Variants in AKT1 observed in about 807,000 individuals in gnomAD.
AKT1 encodes the protein AKT serine/threonine kinase 1, also known as RAC-alpha serine/threonine-protein kinase.
A neutral mutation model predicts 63.1 loss-of-function variants in AKT1; 21 were observed. The observed-to-expected ratio is 0.33, with a 90% CI of 0.24 to 0.48. The LOEUF (loss-of-function observed/expected upper bound fraction) is 0.48, where lower values mean the gene tolerates loss of function less well. AKT1 is among the 20% of genes least tolerant of loss of function. The pLI is 0.99. For synonymous variants in AKT1, 257 were observed against 253.1 expected (o/e 1.02, Z -0.15); for missense variants, 382 against 666.0 (o/e 0.57, Z 4.69).
intron 4 of AKT1, chr14:104,777,719 G>GA: frequency 1.0e-6 from 1 of 985,690 alleles, no homozygotes; most frequent in Non-Finnish European, 1.2e-6. Context: ...AGGCTGAGGG[G>GA]CCAGTGGGGG....
chr14:104,778,718 C>T lies in AKT1; in HGVS notation c.175+1370G>A, dbSNP rs369342009. ...CCTGCCCAGCCTGGGGACGGATTCCCTGCATTTAACCTCCTCCCAGACCCT... is the reference window on the plus strand; with the variant it reads ...CCTGCCCAGCCTGGGGACGGATTCCTTGCATTTAACCTCCTCCCAGACCCT... On this transcript the variant is annotated intron_variant, in intron 4 of 14. Coordinates refer to ENST00000649815, the MANE Select transcript of AKT1 (RefSeq NM_001382430.1). 5 of 152,466 alleles carry T rather than the reference C, an allele frequency of 3.3e-5. No individual in the cohort carries two copies. In the East Asian group the frequency reaches 7.7e-4, roughly 24 times the overall value. The allele number at this position is 152,466 out of a possible 1,614,324, so 9.4% of individuals were successfully genotyped here. A position where few individuals can be genotyped will look rare whatever the true frequency, so the allele number is the denominator to read the frequency against.
intron 4 of AKT1, chr14:104,776,998 A>C (rs1305783078): frequency 3.3e-5 from 17 of 509,762 alleles, no homozygotes; most frequent in Non-Finnish European, 6.0e-5. Flanking sequence ...CACACAGGGC[A>C]TCTGGCCCGG....
rs371297714 is a variant in AKT1, at chr14:104,792,708, G to T, written c.-65C>A. On this transcript the variant is annotated 5_prime_UTR_variant, in exon 3 of 15. Coordinates refer to ENST00000649815, the MANE Select transcript of AKT1 (RefSeq NM_001382430.1). ...GGCTGGCGCTCCCCGAGCCCAGCTG[G>T]CCTGGCCACAGCCTCTGGGAGAAGC... 2 of 1,580,602 alleles carry T rather than the reference G, an allele frequency of 1.3e-6. No homozygotes were observed. The highest frequency in any genetic ancestry group is 1.7e-6 in the Non-Finnish European group (2 of 1,160,910).
intron 13 of AKT1, chr14:104,771,709 G>A (rs1892397189): frequency 4.2e-6 from 1 of 235,620 alleles, no homozygotes; most frequent in Non-Finnish European, 8.4e-6. Flanking sequence ...CTGGGAACGG[G>A]GCAGAAGCAC....
chr14:104,792,161 C>T (rs1021422266), intron 3 of AKT1, among the ~76,000 whole-genome samples: 6 of 152,192 alleles, frequency 3.9e-5, no homozygotes, highest in South Asian at 2.1e-4. Flanking sequence ...CCAGGCGGTA[C>T]GGATTCCCCC....
chr14:104,776,055 G>A (rs1393502646), intron 5 of AKT1: 5 of 405,880 alleles, frequency 1.2e-5, no homozygotes, highest in Non-Finnish European at 2.2e-5. Flanking sequence ...ACCCCCAGCA[G>A]GACTCCGCCC....
At chr14:104,771,227 G>A (rs1892369616) in intron 13 of AKT1, 1 of 309,566 alleles carries the variant, frequency 3.2e-6, no homozygotes. Flanking sequence ...TGGGAAAGAG[G>A]GAGACTGTGG....
intron 4 of AKT1, among the ~76,000 whole-genome samples, chr14:104,779,781 G>A (rs1309558944): frequency 3.0e-5 from 4 of 133,838 alleles, no homozygotes; most frequent in African/African-American, 5.8e-5. Flanking sequence ...GACTCAGCTC[G>A]GAGACCCCTG....
At chr14:104,784,435 C>A (rs1396700700) in intron 3 of AKT1, among the ~76,000 whole-genome samples, 6 of 152,150 alleles carry the variant, frequency 3.9e-5, no homozygotes, top group South Asian at 2.1e-4. Flanking sequence ...TCCCTCGACT[C>A]CTCCTGCACC....
At chr14:104,781,101 G>A (rs1157670380) in intron 3 of AKT1, among the ~76,000 whole-genome samples, 1 of 152,258 alleles carries the variant, frequency 6.6e-6, no homozygotes, top group Non-Finnish European at 1.5e-5. Context: ...GCTGTCCTCG[G>A]TGATAGCCCA....
rs570604408 is a variant in AKT1, at chr14:104,792,060, C to T, written c.46+538G>A. ...CCTCGGGCAGCACCTCCTCCATAGG[C>T]TGCAAGGCCAAATGAGTGAGGAGGG... On this transcript the variant is annotated intron_variant, in intron 3 of 14. Coordinates refer to ENST00000649815, the MANE Select transcript of AKT1 (RefSeq NM_001382430.1). Among the ~76,000 whole-genome samples, 192 of 152,342 alleles carry T rather than the reference C, an allele frequency of 1.3e-3. 2 individuals carry two copies. Among genetic ancestry groups the T allele is most frequent in the Non-Finnish European group, 2.2e-4 (15 of 68,010 alleles).
chr14:104,788,073 G>A (rs1337694282), intron 3 of AKT1, among the ~76,000 whole-genome samples: 2 of 152,172 alleles, frequency 1.3e-5, no homozygotes, highest in Admixed American at 6.5e-5. Flanking sequence ...CCAGGAGCCA[G>A]CACACTTGCC....
chr14:104,770,150 G>A lies in AKT1; in HGVS notation c.*191C>T, dbSNP rs904934355. On this transcript the variant is annotated 3_prime_UTR_variant, in exon 15 of 15. Transcript: ENST00000649815. ...GAAATAAATTAAAACCCGCAGGATA[G>A]TTTTCTTCCCTACCCCGCTGCGGGG... The A allele has an allele frequency of 1.6e-5, 10 of 635,282 alleles. No homozygotes were observed. The highest frequency in any genetic ancestry group is 2.8e-5 in the Non-Finnish European group (10 of 358,350). The allele number at this position is 635,282 out of a possible 1,614,324, so 39.4% of individuals were successfully genotyped here.
In AKT1 at chr14:104,792,731, A is replaced by G; in HGVS notation, c.-79-9T>C. On this transcript the variant is annotated splice_polypyrimidine_tract_variant and intron_variant, in intron 2 of 14. Coordinates refer to ENST00000649815, the MANE Select transcript of AKT1 (RefSeq NM_001382430.1). ...TGGCCTGGCCACAGCCTCTGGGAGA[A>G]GCAAAGGAAGCTGAATGTGAGGCCA... 1 of 1,522,360 alleles carries G rather than the reference A, an allele frequency of 6.6e-7. No individual in the cohort carries two copies. The highest frequency in any genetic ancestry group is 9.0e-7 in the Non-Finnish European group (1 of 1,109,952). 94.3% of individuals were successfully genotyped at this position (1,522,360 alleles called of 1,614,324 possible). A position where few individuals can be genotyped will look rare whatever the true frequency, so the allele number is the denominator to read the frequency against.
At chr14:104,772,522 C>T (rs1892451694) in intron 12 of AKT1, 70 bp from the exon 13 acceptor site, 1 of 1,510,782 alleles carries the variant, frequency 6.6e-7, no homozygotes, top group Non-Finnish European at 9.2e-7. Flanking sequence ...AGGCCCCTTC[C>T]TCCTGTGATG....
chr14:104,772,187 G>A (rs1441200299), intron 13 of AKT1, 178 bp downstream of exon 13: 1 of 669,720 alleles, frequency 1.5e-6, no homozygotes, highest in Non-Finnish European at 2.6e-6. Context: ...CAGTGCCAGA[G>A]CCTCTGAGCA....
At chr14:104,782,629 C>T (rs151116504) in intron 3 of AKT1, among the ~76,000 whole-genome samples, 138 of 152,252 alleles carry the variant, frequency 9.1e-4, no homozygotes, top group African/African-American at 3.2e-3. Context: ...TGGGCAGAGG[C>T]CCAAATGGGC....
chr14:104,770,160 C>A lies in AKT1; in HGVS notation c.*181G>T. On this transcript the variant is annotated 3_prime_UTR_variant, in exon 15 of 15. Transcript: ENST00000649815. ...AAAACCCGCAGGATAGTTTTCTTCC[C>A]TACCCCGCTGCGGGGGAGGGTGCTG... The A allele has an allele frequency of 1.5e-6, 1 of 656,356 alleles. No homozygotes were observed. 40.7% of individuals were successfully genotyped at this position (656,356 alleles called of 1,614,324 possible).
At chr14:104,770,721 C>T (rs774295573) in intron 14 of AKT1, 24 bp downstream of exon 14, 22 of 1,594,652 alleles carry the variant, frequency 1.4e-5, no homozygotes, top group African/African-American at 5.4e-5. Context: ...AGGGAGTGGG[C>T]GGGGGCAGGC....
Sources: allele counts gnomAD v4.1 joint callset (sites outside exome capture counted in the v4.1 genomes callset), GRCh38; gene constraint gnomAD v4.1.1; transcripts MANE v1.5; gene names NCBI Gene and HGNC (gene_info 2026-07-23, HGNC 2026-07-21).